The following ASTN2 variants were observed in gnomAD, a reference collection of about 807,000 sequenced individuals.
The protein encoded by ASTN2 is astrotactin-2.
In ASTN2, 54 loss-of-function variants were observed where a neutral mutation model predicts 139.8. That is an observed-to-expected ratio of 0.39 (90% CI 0.31 to 0.48). The LOEUF (loss-of-function observed/expected upper bound fraction) is 0.48, where lower values mean the gene tolerates loss of function less well. Among genes scored for constraint, ASTN2 ranks in the 20% least tolerant of loss-of-function variants. ASTN2 has a pLI of 0.95. For synonymous variants in ASTN2, 756 were observed against 719.5 expected (o/e 1.05, Z -0.81); for missense variants, 1,565 against 1,725.1 (o/e 0.91, Z 1.64).
intron 5 of ASTN2, among the ~76,000 whole-genome samples, chr9:117,087,053 C>T (rs1018084218): frequency 1.3e-5 from 2 of 152,162 alleles, no homozygotes; most frequent in Admixed American, 6.5e-5. Context: ...CAAAGGGCAG[C>T]CAGTAGATCT....
At chr9:116,964,644 C>A (rs144451477) in intron 10 of ASTN2, among the ~76,000 whole-genome samples, 10 of 152,188 alleles carry the variant, frequency 6.6e-5, no homozygotes, top group Admixed American at 1.3e-4. Flanking sequence ...TTTAAACAAG[C>A]CTTTGAAACT....
chr9:117,048,963 C>CTTTTTTTTTTTTTTTTTTTTTTTT lies in ASTN2; in HGVS notation c.1277-8999_1277-8998insAAAAAAAAAAAAAAAAAAAAAAAA, dbSNP rs372277811. ...GTGCGCTCTGATTCTTCATCCATTG[C>CTTTTTTTTTTTTTTTTTTTTTTTT]TTTTTTTTTTTTTTTTTGAGACGGA... On this transcript the variant is annotated intron_variant, in intron 5 of 22. Coordinates refer to ENST00000313400, the MANE Select transcript of ASTN2 (RefSeq NM_001365068.1). Among the ~76,000 whole-genome samples the CTTTTTTTTTTTTTTTTTTTTTTTT allele has an allele frequency of 2.6e-4, 23 of 89,028 alleles. 5 individuals are homozygous for CTTTTTTTTTTTTTTTTTTTTTTTT. Among genetic ancestry groups the CTTTTTTTTTTTTTTTTTTTTTTTT allele is most frequent in the Admixed American group, 3.9e-4 (3 of 7,782 alleles). 58.4% of individuals were successfully genotyped at this position (89,028 alleles called of 152,430 possible).
intron 4 of ASTN2, among the ~76,000 whole-genome samples, chr9:117,105,855 A>C (rs1829089877): frequency 6.6e-6 from 1 of 152,194 alleles, no homozygotes; most frequent in South Asian, 2.1e-4. Context: ...CTCTCTTCCC[A>C]AACACAGCAG....
chr9:116,936,225 TACCACCATCACCACCACC>T (rs1193083799), intron 10 of ASTN2, among the ~76,000 whole-genome samples: 8 of 77,064 alleles, frequency 1.0e-4, no homozygotes, highest in South Asian at 5.2e-4. Context: ...CCACCACCAC[TACCACCATCACCACCACC>T]ACCACCATCA....
rs1219179653 is a variant in ASTN2 at position 117,048,176 on chromosome 9, T to C, written c.1277-8211A>G. On this transcript the variant is annotated intron_variant, in intron 5 of 22. Coordinates refer to ENST00000313400, the MANE Select transcript of ASTN2 (RefSeq NM_001365068.1). The stretch of plus-strand genomic sequence containing the variant: ...GCAGAGCAGAAGCAACAAATTTAAC[T>C]GCTGAGCTGCTATCCGACTTTAGCT... Among the ~76,000 whole-genome samples the C allele has an allele frequency of 2.6e-5, 4 of 152,184 alleles. No homozygotes were observed. In the East Asian group the frequency reaches 5.8e-4, roughly 22 times the overall value.
intron 17 of ASTN2, among the ~76,000 whole-genome samples, chr9:116,637,106 G>A (rs1476239794): frequency 1.3e-5 from 2 of 152,122 alleles, no homozygotes; most frequent in East Asian, 1.9e-4. Context: ...CCAGAACCAT[G>A]AGGAAATAAA....
chr9:116,460,750 T>C (rs1322646265), intron 20 of ASTN2, among the ~76,000 whole-genome samples: 2 of 152,140 alleles, frequency 1.3e-5, no homozygotes, highest in African/African-American at 4.8e-5. Context: ...CTCTGCTGCT[T>C]GCAGGCTTGT....
At chr9:116,639,094 TTCTC>T (rs1390711576) in intron 17 of ASTN2, among the ~76,000 whole-genome samples, 1 of 152,230 alleles carries the variant, frequency 6.6e-6, no homozygotes, top group Non-Finnish European at 1.5e-5. Context: ...CATTATTATA[TTCTC>T]TCTACCTTTG....
At chr9:116,602,248 G>A (rs1231530030) in intron 19 of ASTN2, among the ~76,000 whole-genome samples, 1 of 152,176 alleles carries the variant, frequency 6.6e-6, no homozygotes, top group Non-Finnish European at 1.5e-5. Flanking sequence ...GTGAACCATT[G>A]TAGGCTATAC....
intron 7 of ASTN2, among the ~76,000 whole-genome samples, chr9:117,006,857 G>A (rs1337211398): frequency 6.6e-6 from 1 of 152,064 alleles, no homozygotes; most frequent in South Asian, 2.1e-4. Flanking sequence ...TGGCTCACAC[G>A]TGTAATCCCA....
chr9:116,451,520 C>T (rs1439620398), intron 20 of ASTN2, among the ~76,000 whole-genome samples: 1 of 151,950 alleles, frequency 6.6e-6, no homozygotes, highest in Non-Finnish European at 1.5e-5. Flanking sequence ...GTCAAATGAA[C>T]AAGAAATGGG....
chr9:116,718,974 A>ATATATATAT (rs1564230166), intron 16 of ASTN2, among the ~76,000 whole-genome samples: 1 of 88,104 alleles, frequency 1.1e-5, no homozygotes. Context: ...CTGTATCTGT[A>ATATATATAT]CATATATATA....
chr9:116,803,539 T>C (rs1347237743), intron 13 of ASTN2, among the ~76,000 whole-genome samples: 3 of 125,282 alleles, frequency 2.4e-5, no homozygotes, highest in Non-Finnish European at 5.0e-5. Context: ...TTTTTTTTTT[T>C]TTTTAGACGG....
intron 16 of ASTN2, among the ~76,000 whole-genome samples, chr9:116,661,739 C>T (rs1038196398): frequency 6.6e-6 from 1 of 151,964 alleles, no homozygotes; most frequent in Non-Finnish European, 1.5e-5. Flanking sequence ...GGCATGCAAC[C>T]AGGCCCTCTT....
At chr9:117,240,026 C>T (rs959713935) in intron 2 of ASTN2, among the ~76,000 whole-genome samples, 2 of 152,150 alleles carry the variant, frequency 1.3e-5, no homozygotes, top group African/African-American at 2.4e-5. Flanking sequence ...ATTGAAAATG[C>T]ATTCATTACC....
intron 17 of ASTN2, among the ~76,000 whole-genome samples, chr9:116,640,518 A>G (rs1485396089): frequency 6.6e-6 from 1 of 152,208 alleles, no homozygotes; most frequent in Non-Finnish European, 1.5e-5. Context: ...AAGGGGAAAA[A>G]TACATTCCAA....
intron 13 of ASTN2, among the ~76,000 whole-genome samples, chr9:116,763,139 C>G (rs1829717428): frequency 6.6e-6 from 1 of 152,162 alleles, no homozygotes; most frequent in Admixed American, 6.5e-5. Context: ...CTGTCCTCCT[C>G]CAGACTACAA....
At chr9:116,711,917 T>A (rs1828174408) in intron 16 of ASTN2, among the ~76,000 whole-genome samples, 1 of 152,190 alleles carries the variant, frequency 6.6e-6, no homozygotes, top group African/African-American at 2.4e-5. Context: ...TCACATATAC[T>A]TCCTCCCATC....
intron 1 of ASTN2, among the ~76,000 whole-genome samples, chr9:117,339,044 C>T (rs1828982138): frequency 6.6e-6 from 1 of 152,068 alleles, no homozygotes; most frequent in Non-Finnish European, 1.5e-5. Flanking sequence ...TGGGCTGCTG[C>T]TTGAGCTGCT....
Sources: allele counts gnomAD v4.1 joint callset (sites outside exome capture counted in the v4.1 genomes callset), GRCh38; gene constraint gnomAD v4.1.1; transcripts MANE v1.5; gene names NCBI Gene and HGNC (gene_info 2026-07-23, HGNC 2026-07-21).